CMKLR2: variants seen among roughly 807,000 people sequenced by gnomAD.
The protein encoded by CMKLR2 is chemerin-like receptor 2.
A neutral mutation model predicts 23.0 loss-of-function variants in CMKLR2; 18 were observed. The observed-to-expected ratio is 0.78, with a 90% CI of 0.54 to 1.16. The LOEUF is 1.16. Among genes scored for constraint, CMKLR2 ranks in the 50% most tolerant of loss-of-function variants. CMKLR2 has a pLI of 0.00. For synonymous variants in CMKLR2, 158 were observed against 158.9 expected (o/e 0.99, Z 0.05); for missense variants, 401 against 412.7 (o/e 0.97, Z 0.25).
intron 1 of CMKLR2, among the ~76,000 whole-genome samples, chr2:206,207,541 T>A (rs905244359): frequency 6.6e-6 from 1 of 152,092 alleles, no homozygotes; most frequent in African/African-American, 2.4e-5. Flanking sequence ...ATAGTAATAC[T>A]CAGCATTTCC....
intron 1 of CMKLR2, among the ~76,000 whole-genome samples, chr2:206,181,584 C>T (rs1688414112): frequency 6.6e-6 from 1 of 152,172 alleles, no homozygotes; most frequent in African/African-American, 2.4e-5. Context: ...TCAATTAACA[C>T]ATATTTTGTA....
At chr2:206,206,258 A>C (rs1169670508) in intron 1 of CMKLR2, among the ~76,000 whole-genome samples, 1 of 152,236 alleles carries the variant, frequency 6.6e-6, no homozygotes, top group Non-Finnish European at 1.5e-5. Flanking sequence ...TGTGTGTGTT[A>C]ATAGGGATAA....
intron 1 of CMKLR2, among the ~76,000 whole-genome samples, chr2:206,198,333 C>A (rs1688983820): frequency 6.6e-6 from 1 of 152,176 alleles, no homozygotes; most frequent in Non-Finnish European, 1.5e-5. Context: ...AAATGTAGCT[C>A]TGAATATCAC....
Position 206,204,353 on chromosome 2 carries a change from CA to C in CMKLR2, c.-29+8953del, listed in dbSNP as rs373840930. 9.1e-3 allele frequency among the ~76,000 whole-genome samples: 401 copies of C among 44,200 alleles called. 1 individual carries two copies. The highest frequency in any genetic ancestry group is 0.024 in the East Asian group (31 of 1,282). The allele number at this position is 44,200 out of a possible 152,430, so 29.0% of individuals were successfully genotyped here. ...TGGGCGACAGAGCGAGACTCCATCTCAAAAAAAAAAAAAAAAAAAAAGTGCA... is the reference window on the plus strand; with the variant it reads ...TGGGCGACAGAGCGAGACTCCATCTCAAAAAAAAAAAAAAAAAAAAGTGCA... On this transcript the variant is annotated intron_variant, in intron 1 of 1. Coordinates refer to ENST00000621141, the MANE Select transcript of CMKLR2 (RefSeq NM_001389445.1).
At chr2:206,189,876 C>G (rs1269320355) in intron 1 of CMKLR2, among the ~76,000 whole-genome samples, 1 of 152,114 alleles carries the variant, frequency 6.6e-6, no homozygotes, top group African/African-American at 2.4e-5. Flanking sequence ...ATAAACTATA[C>G]TACACCCCAG....
At chr2:206,189,810 G>C (rs1688694385) in intron 1 of CMKLR2, among the ~76,000 whole-genome samples, 1 of 152,128 alleles carries the variant, frequency 6.6e-6, no homozygotes, top group African/African-American at 2.4e-5. Context: ...GTATATGTGT[G>C]TGTTGCCCCA....
chr2:206,184,539 G>T (rs1688519448), intron 1 of CMKLR2, among the ~76,000 whole-genome samples: 1 of 151,882 alleles, frequency 6.6e-6, no homozygotes, highest in African/African-American at 2.4e-5. Flanking sequence ...TCGTGATCCA[G>T]CCGCCTCGGC....
chr2:206,179,167 C>T (rs1482656974), intron 1 of CMKLR2, among the ~76,000 whole-genome samples: 4 of 136,680 alleles, frequency 2.9e-5, no homozygotes, highest in South Asian at 2.4e-4. Flanking sequence ...CCTCACCTCC[C>T]GGGTTCAAGC....
chr2:206,189,343 G>T (rs935534709), intron 1 of CMKLR2, among the ~76,000 whole-genome samples: 1 of 152,264 alleles, frequency 6.6e-6, no homozygotes, highest in African/African-American at 2.4e-5. Context: ...TAACAGGGAG[G>T]AATAGAAAAG....
At chr2:206,214,065 GCTAGT>G (rs900380677), upstream of CMKLR2, among the ~76,000 whole-genome samples, 1 of 151,852 alleles carries the variant, frequency 6.6e-6, no homozygotes, top group Non-Finnish European at 1.5e-5. Flanking sequence ...CGTTGGCCCG[GCTAGT>G]CTTGAATTCC....
chr2:206,189,217 G>A (rs1688674650), intron 1 of CMKLR2, among the ~76,000 whole-genome samples: 1 of 152,220 alleles, frequency 6.6e-6, no homozygotes, highest in South Asian at 2.1e-4. Flanking sequence ...TGTCTACGTA[G>A]GTTGCCTGTG....
At chr2:206,201,384 C>T (rs150901905) in intron 1 of CMKLR2, among the ~76,000 whole-genome samples, 2 of 152,264 alleles carry the variant, frequency 1.3e-5, no homozygotes, top group African/African-American at 4.8e-5. Flanking sequence ...AAATGGATTT[C>T]ATAATTCTAC....
chr2:206,210,625 A>AT (rs1689525687), intron 1 of CMKLR2, among the ~76,000 whole-genome samples: 1 of 151,460 alleles, frequency 6.6e-6, no homozygotes, highest in Non-Finnish European at 1.5e-5. Context: ...CACTGGGCTA[A>AT]TTTTTTTGTA....
intron 1 of CMKLR2, among the ~76,000 whole-genome samples, chr2:206,189,379 A>G (rs1347326444): frequency 1.3e-5 from 2 of 152,192 alleles, no homozygotes; most frequent in African/African-American, 4.8e-5. Flanking sequence ...TCACGCCTAT[A>G]ATCCCAGCAC....
At chr2:206,206,898 T>C (rs368052306) in intron 1 of CMKLR2, among the ~76,000 whole-genome samples, 90 of 150,390 alleles carry the variant, frequency 6.0e-4, no homozygotes, top group African/African-American at 2.0e-3. Context: ...CATTAGTTCC[T>C]GTTTCAGTCC....
intron 1 of CMKLR2, among the ~76,000 whole-genome samples, chr2:206,209,130 G>A (rs974699786): frequency 5.9e-5 from 9 of 152,070 alleles, no homozygotes; most frequent in Non-Finnish European, 1.2e-4. Flanking sequence ...TTGAGGCCAG[G>A]AGTCGGAGAC....
At chr2:206,191,481 T>A (rs1235112566) in intron 1 of CMKLR2, among the ~76,000 whole-genome samples, 1 of 152,106 alleles carries the variant, frequency 6.6e-6, no homozygotes, top group East Asian at 1.9e-4. Context: ...TTTTGTTTTG[T>A]GGACTTTGTT....
intron 1 of CMKLR2, among the ~76,000 whole-genome samples, chr2:206,188,448 G>A (rs1483290492): frequency 1.8e-4 from 27 of 152,160 alleles, no homozygotes; most frequent in Admixed American, 1.8e-3. Context: ...CTGCTGAAAG[G>A]CAAATAAATA....
At chr2:206,189,662 G>GAAAA (rs1362184766) in intron 1 of CMKLR2, among the ~76,000 whole-genome samples, 4 of 151,330 alleles carry the variant, frequency 2.6e-5, no homozygotes, top group Non-Finnish European at 4.4e-5. Flanking sequence ...GAAAAGAAAA[G>GAAAA]AATGAATAGA....
Sources: gnomAD v4.1 joint callset for allele counts (sites outside exome capture counted in the v4.1 genomes callset) on GRCh38, gnomAD v4.1.1 for gene constraint, MANE v1.5 for transcripts, NCBI Gene and HGNC (gene_info 2026-07-23, HGNC 2026-07-21) for gene names.